The following LRP1B variants were observed in gnomAD, a reference collection of about 807,000 sequenced individuals.
The protein encoded by LRP1B is low-density lipoprotein receptor-related protein 1B.
Under a neutral mutation model 556.6 loss-of-function variants are expected in LRP1B, and 217 were observed. The ratio of observed to expected loss-of-function variants is 0.39; its 90% CI spans 0.35 to 0.44. The LOEUF is 0.44. Among genes scored for constraint, LRP1B ranks in the 20% least tolerant of loss-of-function variants. The pLI is 1.00. For missense variants in LRP1B, 5,053 were observed against 5,620.8 expected (o/e 0.90, Z 3.23); for synonymous variants, 2,047 against 1,865.8 (o/e 1.10, Z -2.50).
At chr2:142,033,732 C>T (rs537371187) in intron 1 of LRP1B, among the ~76,000 whole-genome samples, 4 of 151,704 alleles carry the variant, frequency 2.6e-5, no homozygotes, top group Non-Finnish European at 5.9e-5. Flanking sequence ...GAAGATTTCC[C>T]ACTAATAAAG....
chr2:141,826,436 T>C (rs1696929601), intron 1 of LRP1B, among the ~76,000 whole-genome samples: 1 of 140,640 alleles, frequency 7.1e-6, no homozygotes, highest in Non-Finnish European at 1.5e-5. Flanking sequence ...CTCGGCTCAC[T>C]GCAAGCTCCG....
chr2:140,978,602 C>T (rs1343874423), intron 18 of LRP1B, among the ~76,000 whole-genome samples: 4 of 152,108 alleles, frequency 2.6e-5, no homozygotes, highest in African/African-American at 9.7e-5. Context: ...AAAAATTGCA[C>T]TCCTTGTCGT....
intron 43 of LRP1B, among the ~76,000 whole-genome samples, chr2:140,594,760 T>G (rs1477099255): frequency 1.3e-5 from 2 of 152,130 alleles, no homozygotes; most frequent in East Asian, 3.9e-4. Context: ...TTAGAAAATA[T>G]GCAATTATGC....
chr2:140,487,639 C>T lies in LRP1B; in HGVS notation c.9221G>A (p.Cys3074Tyr), dbSNP rs778965587. The change falls in exon 58 of 91, where the codon TGT becomes TAT. Residue 3074 changes from cysteine (C) to tyrosine (Y), a missense_variant. Coordinates refer to ENST00000389484, the MANE Select transcript of LRP1B (RefSeq NM_018557.3). ...RPNGSRINRM[C>Y]LNGSDIKVVH... ...TACCTTAATGTCACTTCCATTTAAACACATTCTATTTATGCGACTGCCATT... is the reference window on the plus strand; with the variant it reads ...TACCTTAATGTCACTTCCATTTAAATACATTCTATTTATGCGACTGCCATT... 6.2e-7 allele frequency: 1 copy of T among 1,608,516 alleles called. No individual in the cohort carries two copies. The highest frequency in any genetic ancestry group is 8.5e-7 in the Non-Finnish European group (1 of 1,176,738).
At chr2:140,975,505 T>TC (rs1268621160) in intron 18 of LRP1B, among the ~76,000 whole-genome samples, 1 of 38,092 alleles carries the variant, frequency 2.6e-5, no homozygotes, top group African/African-American at 6.8e-5. Context: ...GGACATAGTT[T>TC]CCCCCCATTC....
intron 1 of LRP1B, among the ~76,000 whole-genome samples, chr2:142,014,182 T>A (rs114981421): frequency 6.6e-6 from 1 of 151,910 alleles, no homozygotes; most frequent in African/African-American, 2.4e-5. Flanking sequence ...TTCGCTTTCT[T>A]AATAAACTTG....
At chr2:140,854,148 A>C (rs1002256657) in intron 27 of LRP1B, among the ~76,000 whole-genome samples, 3 of 152,118 alleles carry the variant, frequency 2.0e-5, no homozygotes, top group African/African-American at 7.2e-5. Context: ...AAGTTTGTTC[A>C]AAAACACTAG....
intron 41 of LRP1B, among the ~76,000 whole-genome samples, chr2:140,675,242 A>T (rs1335543475): frequency 1.3e-5 from 2 of 152,220 alleles, no homozygotes; most frequent in African/African-American, 2.4e-5. Context: ...AACACTGTTT[A>T]CGTTAGTGTT....
rs188079750 is a variant in LRP1B at position 140,886,974 on chromosome 2, A to C, written c.3767-639T>G. On this transcript the variant is annotated intron_variant, in intron 23 of 90. Transcript: ENST00000389484. ...CGGATATGAGATTAAAGTTTCTTTTAGTATTATTTTTTGTGCTTAAAAGAA... is the reference window on the plus strand; with the variant it reads ...CGGATATGAGATTAAAGTTTCTTTTCGTATTATTTTTTGTGCTTAAAAGAA... 2.2e-3 allele frequency among the ~76,000 whole-genome samples: 333 copies of C among 152,290 alleles called. 2 individuals are homozygous for C. The highest frequency in any genetic ancestry group is 6.5e-3 in the African/African-American group (269 of 41,564).
intron 43 of LRP1B, among the ~76,000 whole-genome samples, chr2:140,546,646 G>A (rs2105034971): frequency 6.6e-6 from 1 of 152,122 alleles, no homozygotes; most frequent in Non-Finnish European, 1.5e-5. Context: ...ACCTCCCACA[G>A]GGTCCCTCCC....
rs552767881 is a variant in LRP1B, at chr2:141,907,358, ACCACTC to A, written c.83-96963_83-96958del. Among the ~76,000 whole-genome samples the A allele has an allele frequency of 9.2e-5, 14 of 152,030 alleles. No individual in the cohort carries two copies. In the East Asian group the frequency reaches 2.7e-3, roughly 29 times the overall value. On this transcript the variant is annotated intron_variant, in intron 1 of 90. Coordinates refer to ENST00000389484, the MANE Select transcript of LRP1B (RefSeq NM_018557.3). ...ACATTGATACTTAGAGAATTTAATA[ACCACTC>A]CATTTTAAATCTAAATGTGAATATA...
chr2:140,396,197 A>G (rs959636129), intron 66 of LRP1B, among the ~76,000 whole-genome samples: 9 of 152,324 alleles, frequency 5.9e-5, no homozygotes, highest in African/African-American at 1.9e-4. Flanking sequence ...AGAATATTCT[A>G]GCAATTCCAC....
At chr2:140,929,086 A>G (rs2105267886) in intron 20 of LRP1B, among the ~76,000 whole-genome samples, 1 of 152,246 alleles carries the variant, frequency 6.6e-6, no homozygotes, top group East Asian at 1.9e-4. Context: ...CTGTTGTGTG[A>G]AAACGGATTT....
chr2:142,043,880 A>G (rs1704148592), intron 1 of LRP1B, among the ~76,000 whole-genome samples: 1 of 151,752 alleles, frequency 6.6e-6, no homozygotes. Flanking sequence ...AAAAGGCCAT[A>G]GAATACAATA....
intron 6 of LRP1B, among the ~76,000 whole-genome samples, chr2:141,214,678 A>G (rs1316424653): frequency 6.6e-6 from 1 of 152,194 alleles, no homozygotes; most frequent in Non-Finnish European, 1.5e-5. Context: ...GAGACTCAAA[A>G]AAGATTTGCA....
intron 7 of LRP1B, among the ~76,000 whole-genome samples, chr2:141,142,346 T>C (rs1701673296): frequency 1.3e-5 from 2 of 152,214 alleles, no homozygotes; most frequent in African/African-American, 2.4e-5. Flanking sequence ...GCTTCAGTTT[T>C]AGTTCTTGAG....
At chr2:141,099,557 G>A (rs1700408651) in intron 7 of LRP1B, among the ~76,000 whole-genome samples, 1 of 152,214 alleles carries the variant, frequency 6.6e-6, no homozygotes, top group Admixed American at 6.5e-5. Flanking sequence ...GCACACGTGT[G>A]TTTGGACATG....
intron 6 of LRP1B, among the ~76,000 whole-genome samples, chr2:141,205,662 T>A (rs71417130): frequency 7.3e-6 from 1 of 136,968 alleles, no homozygotes; most frequent in African/African-American, 2.6e-5. Context: ...TACTCAATTG[T>A]ATATTCTTCT....
At chr2:141,582,436 T>C (rs1686982275) in intron 2 of LRP1B, among the ~76,000 whole-genome samples, 1 of 152,176 alleles carries the variant, frequency 6.6e-6, no homozygotes, top group Admixed American at 6.5e-5. Context: ...ATAGTATTAT[T>C]TGGCCACAGT....
Sources: gnomAD v4.1 joint callset for allele counts (sites outside exome capture counted in the v4.1 genomes callset) on GRCh38, gnomAD v4.1.1 for gene constraint, MANE v1.5 for transcripts, NCBI Gene and HGNC (gene_info 2026-07-23, HGNC 2026-07-21) for gene names.